Variants in MEGF6 observed in about 807,000 individuals in gnomAD.
The protein encoded by MEGF6 is multiple EGF like domains 6.
Under a neutral mutation model 207.1 loss-of-function variants are expected in MEGF6, and 184 were observed. The ratio of observed to expected loss-of-function variants is 0.89; its 90% CI spans 0.79 to 1.00. The LOEUF (loss-of-function observed/expected upper bound fraction) is 1.00, where lower values mean the gene tolerates loss of function less well. Among genes scored for constraint, MEGF6 ranks in the 50% least tolerant of loss-of-function variants. The pLI is 0.00. For missense variants in MEGF6, 2,282 were observed against 2,202.9 expected (o/e 1.04, Z -0.72); for synonymous variants, 1,038 against 910.0 (o/e 1.14, Z -2.53).
At chr1:3,562,878 T>C (rs1047291386) in intron 4 of MEGF6, among the ~76,000 whole-genome samples, 2 of 152,070 alleles carry the variant, frequency 1.3e-5, no homozygotes, top group African/African-American at 4.8e-5. Context: ...TTGGTGACAG[T>C]GGAGGTGAGG....
chr1:3,492,960 C>T, intron 34 of MEGF6, 193 bp from the exon 35 acceptor site: 1 of 676,982 alleles, frequency 1.5e-6, no homozygotes, highest in South Asian at 2.1e-5. Flanking sequence ...CCTTCCTCAG[C>T]TACATTCTGC....
intron 4 of MEGF6, among the ~76,000 whole-genome samples, chr1:3,533,918 C>T (rs933727884): frequency 1.3e-5 from 2 of 152,170 alleles, no homozygotes; most frequent in Non-Finnish European, 2.9e-5. Flanking sequence ...CTCCAGGCTC[C>T]GGGGTCTTGG....
chr1:3,617,453 G>A, the MEGF6 span, among the ~76,000 whole-genome samples: 2 of 152,100 alleles, frequency 1.3e-5, no homozygotes, highest in African/African-American at 4.8e-5. Context: ...ACACATGTGG[G>A]GAACAGCACT....
intron 28 of MEGF6, 40 bp from the exon 29 acceptor site, chr1:3,496,823 G>A: frequency 6.5e-7 from 1 of 1,542,728 alleles, no homozygotes; most frequent in South Asian, 1.2e-5. Context: ...TGGGGCTGGA[G>A]GCTTCCCCAG....
intron 24 of MEGF6, 104 bp downstream of exon 24, chr1:3,499,034 C>T (rs1349798201): frequency 8.4e-5 from 126 of 1,497,302 alleles, no homozygotes; most frequent in Non-Finnish European, 1.1e-4. Context: ...CTAACAGCCC[C>T]TTCCTCCCTC....
chr1:3,525,531 G>A (rs532535905), intron 4 of MEGF6, among the ~76,000 whole-genome samples: 8 of 152,358 alleles, frequency 5.3e-5, no homozygotes, highest in African/African-American at 1.7e-4. Context: ...GCTGAAGAGA[G>A]CAGGGAGGGA....
rs547675531 is a variant in MEGF6 at position 3,607,193 on chromosome 1, G to A, written c.131+3945C>T. Reference sequence around the variant, plus strand: ...CTCAGCTGCCACTAACCAGCAAGACGACAATGCTGAAGGACTCACCGAGAC... The same window carrying A: ...CTCAGCTGCCACTAACCAGCAAGACAACAATGCTGAAGGACTCACCGAGAC... On this transcript the variant is annotated intron_variant, in intron 1 of 36. Transcript: ENST00000356575. Among the ~76,000 whole-genome samples the A allele has an allele frequency of 4.4e-4, 67 of 151,274 alleles. No homozygotes were observed. The South Asian group carries it at 0.013, about 30-fold the overall frequency.
intron 4 of MEGF6, among the ~76,000 whole-genome samples, chr1:3,524,694 G>A (rs1267841500): frequency 1.3e-5 from 2 of 152,350 alleles, no homozygotes; most frequent in East Asian, 1.9e-4. Flanking sequence ...TGAGAAAGGG[G>A]AGGGCGTGCT....
In MEGF6 at chr1:3,611,182, GC is replaced by G; in HGVS notation, c.86del (p.Gly29AlafsTer25). ...VLLLLPAVPV[G>X]ASVPPRPLLP... is the part of the protein sequence containing the mutation. ...GCAGGGGCCGCGGCGGAACGCTGGC[GC>G]CCACGGGCACGGCGGGGAGCAGCAG... On this transcript the variant is annotated frameshift_variant, in exon 1 of 37. Transcript: ENST00000356575. LOFTEE classifies it high-confidence loss of function. 6.4e-7 allele frequency: 1 copy of G among 1,551,356 alleles called. No individual in the cohort carries two copies. Among genetic ancestry groups the G allele is most frequent in the Non-Finnish European group, 8.6e-7 (1 of 1,159,004 alleles).
At chr1:3,500,468 C>G (rs768187427) in intron 21 of MEGF6, among the ~76,000 whole-genome samples, 165 bp downstream of exon 21, 1 of 152,224 alleles carries the variant, frequency 6.6e-6, no homozygotes, top group African/African-American at 2.4e-5. Context: ...CGTGCCTGCA[C>G]GTTTTGGTGG....
rs1231248323 is a variant in MEGF6 at position 3,511,560 on chromosome 1, C to T, written c.1104G>A (p.Arg368=). The T allele has an allele frequency of 4.4e-6, 7 of 1,608,698 alleles. No individual in the cohort carries two copies. The highest frequency in any genetic ancestry group is 5.9e-6 in the Non-Finnish European group (7 of 1,176,844). The part of the protein sequence containing the change: ...PRGYELDTDQ[R]TCIDVDDCAD... Reference sequence around the variant, plus strand: ...GGAGCCAGTGCGCACCGATGCAGGTCCTCTGATCTGTGTCCAGCTCGTAGC... The same window carrying T: ...GGAGCCAGTGCGCACCGATGCAGGTTCTCTGATCTGTGTCCAGCTCGTAGC... The change falls in exon 9 of 37, where the codon AGG becomes AGA. Residue 368 remains arginine, a synonymous_variant. Coordinates refer to ENST00000356575, the MANE Select transcript of MEGF6 (RefSeq NM_001409.4).
intron 4 of MEGF6, among the ~76,000 whole-genome samples, chr1:3,526,765 G>A (rs1276594317): frequency 1.3e-5 from 2 of 152,176 alleles, no homozygotes; most frequent in African/African-American, 4.8e-5. Context: ...TGAAGGGAGG[G>A]AGGGGCCGCT....
At chr1:3,509,302 C>T (rs1381893818) in intron 11 of MEGF6, 57 bp from the exon 12 acceptor site, 12 of 1,369,328 alleles carry the variant, frequency 8.8e-6, no homozygotes, top group African/African-American at 1.6e-5. Context: ...GCTCCAGCGA[C>T]CCCCCGGCGG....
At chr1:3,622,210 CAT>C in the MEGF6 span, among the ~76,000 whole-genome samples, 5 of 152,272 alleles carry the variant, frequency 3.3e-5, no homozygotes, top group African/African-American at 4.8e-5. Flanking sequence ...GTAATCCCCA[CAT>C]GTCGAGGGAG....
At position 3,517,240 on chromosome 1, in the gene MEGF6, G is replaced by A. The variant is rs572120943; in HGVS notation, c.605-1713C>T. Among the ~76,000 whole-genome samples the A allele has an allele frequency of 3.3e-5, 5 of 152,372 alleles. No individual in the cohort carries two copies. In the East Asian group the frequency reaches 9.6e-4, roughly 29 times the overall value. ...AGGGAAGCTGGGCCGTCAGGATCCAGGCGCCACAAGGGCCCAGGAGGCTGC... is the reference window on the plus strand; with the variant it reads ...AGGGAAGCTGGGCCGTCAGGATCCAAGCGCCACAAGGGCCCAGGAGGCTGC... On this transcript the variant is annotated intron_variant, in intron 5 of 36. Transcript: ENST00000356575.
At chr1:3,596,221 G>A (rs565858391) in intron 2 of MEGF6, among the ~76,000 whole-genome samples, 19 of 152,132 alleles carry the variant, frequency 1.2e-4, no homozygotes, top group Middle Eastern at 6.8e-3. Context: ...GACGGGCTGC[G>A]GCTGTCACTA....
At chr1:3,549,649 G>A (rs941537584) in intron 4 of MEGF6, among the ~76,000 whole-genome samples, 7 of 152,154 alleles carry the variant, frequency 4.6e-5, no homozygotes, top group African/African-American at 7.2e-5. Flanking sequence ...ACTTGGCCCC[G>A]CTGCTCCCCA....
At chr1:3,612,551 G>C (rs555324440), upstream of MEGF6, among the ~76,000 whole-genome samples, 3 of 152,152 alleles carry the variant, frequency 2.0e-5, no homozygotes, top group African/African-American at 2.4e-5. Flanking sequence ...GACCGGATGG[G>C]GGCCAGGTGT....
At chr1:3,495,530 C>T (rs573591466) in intron 30 of MEGF6, among the ~76,000 whole-genome samples, 2 of 152,352 alleles carry the variant, frequency 1.3e-5, no homozygotes, top group African/African-American at 2.4e-5. Flanking sequence ...GGACTCCACC[C>T]TCGGGCAGAA....
Sources: gnomAD v4.1 joint callset for allele counts (sites outside exome capture counted in the v4.1 genomes callset) on GRCh38, gnomAD v4.1.1 for gene constraint, MANE v1.5 for transcripts, NCBI Gene and HGNC (gene_info 2026-07-23, HGNC 2026-07-21) for gene names.